The following FRMD5 variants were observed in gnomAD, a reference collection of about 807,000 sequenced individuals.
FRMD5 encodes FERM domain containing 5, also known as FERM domain-containing protein 5.
In FRMD5, 20 loss-of-function variants were observed where a neutral mutation model predicts 69.0. That is an observed-to-expected ratio of 0.29 (90% confidence interval 0.20 to 0.42). FRMD5 has a LOEUF of 0.42. Ranked by LOEUF, FRMD5 falls within the 10% of genes least tolerant of loss-of-function variation. The pLI is 1.00. For synonymous variants in FRMD5, 271 were observed against 260.1 expected (o/e 1.04, Z -0.40); for missense variants, 595 against 708.6 (o/e 0.84, Z 1.82).
At chr15:44,155,978 A>T (rs2077521887) in intron 1 of FRMD5, among the ~76,000 whole-genome samples, 1 of 152,142 alleles carries the variant, frequency 6.6e-6, no homozygotes, top group Non-Finnish European at 1.5e-5. Flanking sequence ...CTCCAGAGGA[A>T]AGCAGGAAAA....
intron 1 of FRMD5, among the ~76,000 whole-genome samples, chr15:44,051,100 T>C (rs1892641834): frequency 6.6e-6 from 1 of 151,270 alleles, no homozygotes; most frequent in Non-Finnish European, 1.5e-5. Flanking sequence ...TTAAACTCTT[T>C]TCATCTTTCA....
At chr15:44,062,762 G>T (rs748232558) in intron 1 of FRMD5, among the ~76,000 whole-genome samples, 32 of 151,942 alleles carry the variant, frequency 2.1e-4, no homozygotes, top group Non-Finnish European at 3.5e-4. Context: ...TTTATATAAG[G>T]GATTTTGGTA....
At chr15:44,173,057 C>T (rs1343382117) in intron 1 of FRMD5, among the ~76,000 whole-genome samples, 1 of 152,148 alleles carries the variant, frequency 6.6e-6, no homozygotes, top group Non-Finnish European at 1.5e-5. Flanking sequence ...CATGACCCCA[C>T]CGTTCATGTC....
At chr15:44,162,464 C>T (rs1329513780) in intron 1 of FRMD5, among the ~76,000 whole-genome samples, 1 of 152,094 alleles carries the variant, frequency 6.6e-6, no homozygotes, top group Non-Finnish European at 1.5e-5. Context: ...CATTTCCTCC[C>T]TTTGCTAGCT....
chr15:43,874,903 TAAAAAAAAGA>T (rs976284718), intron 13 of FRMD5, among the ~76,000 whole-genome samples: 1 of 149,336 alleles, frequency 6.7e-6, no homozygotes, highest in Admixed American at 6.7e-5. Flanking sequence ...GATTCCATCT[TAAAAAAAAGA>T]AAAAGGCTGG....
chr15:44,041,370 A>T (rs1263405270), intron 1 of FRMD5, among the ~76,000 whole-genome samples: 1 of 152,116 alleles, frequency 6.6e-6, no homozygotes, highest in Admixed American at 6.6e-5. Flanking sequence ...TCTCTACCCC[A>T]AATCAACAGA....
At chr15:44,183,361 A>G (rs1278587214) in intron 1 of FRMD5, among the ~76,000 whole-genome samples, 1 of 152,178 alleles carries the variant, frequency 6.6e-6, no homozygotes, top group African/African-American at 2.4e-5. Context: ...AAAATATTAG[A>G]GGTGCACTTG....
chr15:44,112,902 CT>C (rs1421974443), intron 1 of FRMD5, among the ~76,000 whole-genome samples: 1 of 152,178 alleles, frequency 6.6e-6, no homozygotes, highest in Non-Finnish European at 1.5e-5. Flanking sequence ...GCCACCTTCA[CT>C]GATTTTTTCC....
chr15:44,125,964 T>C (rs1397292175), intron 1 of FRMD5, among the ~76,000 whole-genome samples: 1 of 152,214 alleles, frequency 6.6e-6, no homozygotes, highest in Non-Finnish European at 1.5e-5. Flanking sequence ...AAAATGTAAG[T>C]AGTCTTATCG....
chr15:44,130,370 A>T (rs1160595530), intron 1 of FRMD5, among the ~76,000 whole-genome samples: 3 of 152,150 alleles, frequency 2.0e-5, no homozygotes. Flanking sequence ...ATTCCTTTCC[A>T]ACTCTTTTTC....
intron 1 of FRMD5, among the ~76,000 whole-genome samples, chr15:44,190,495 C>T (rs1020990269): frequency 2.1e-5 from 3 of 144,146 alleles, no homozygotes; most frequent in Non-Finnish European, 3.0e-5. Context: ...GAGATGGAGG[C>T]AGGGGGACCT....
chr15:44,099,899 T>G (rs1289496885), intron 1 of FRMD5, among the ~76,000 whole-genome samples: 1 of 152,162 alleles, frequency 6.6e-6, no homozygotes. Context: ...CGAACTATTC[T>G]GATTAAGCAA....
intron 1 of FRMD5, among the ~76,000 whole-genome samples, chr15:44,085,387 A>C (rs1894156193): frequency 6.6e-6 from 1 of 152,152 alleles, no homozygotes; most frequent in Admixed American, 6.6e-5. Context: ...ACTCAAAGAA[A>C]CTTCAGAATA....
At chr15:44,133,450 C>T (rs1397130199) in intron 1 of FRMD5, among the ~76,000 whole-genome samples, 3 of 150,304 alleles carry the variant, frequency 2.0e-5, no homozygotes, top group African/African-American at 7.3e-5. Context: ...GTGGCAGGTG[C>T]TTGTAGTCCC....
At chr15:44,057,206 C>G (rs1255660428) in intron 1 of FRMD5, among the ~76,000 whole-genome samples, 1 of 151,716 alleles carries the variant, frequency 6.6e-6, no homozygotes, top group Non-Finnish European at 1.5e-5. Context: ...CTCACTGCCA[C>G]CTCTGGCTCC....
chr15:43,989,598 G>A lies in FRMD5; in HGVS notation c.103-65289C>T. On this transcript the variant is annotated intron_variant, in intron 1 of 13. Transcript: ENST00000417257. ...GCTGTGGCGGTGAAGATGTAGCTGT[G>A]CTAGGTGAGGACCTTCATGAGGTAG... 7.0e-6 allele frequency: 6 copies of A among 851,138 alleles called. No individual in the cohort carries two copies. The South Asian group carries it at 7.9e-5, about 11-fold the overall frequency. The allele number at this position is 851,138 out of a possible 1,614,324, so 52.7% of individuals were successfully genotyped here.
At chr15:44,195,925 G>GA (rs1283524414), upstream of FRMD5, among the ~76,000 whole-genome samples, 1 of 152,246 alleles carries the variant, frequency 6.6e-6, no homozygotes, top group African/African-American at 2.4e-5. Context: ...GACAAAAGGA[G>GA]ACTGCTCCTT....
At chr15:44,184,962 T>A (rs1348494403) in intron 1 of FRMD5, among the ~76,000 whole-genome samples, 1 of 152,206 alleles carries the variant, frequency 6.6e-6, no homozygotes, top group African/African-American at 2.4e-5. Context: ...TACCCAATAT[T>A]ACAAATTAGA....
intron 1 of FRMD5, among the ~76,000 whole-genome samples, chr15:44,009,240 A>C (rs1190020476): frequency 6.6e-6 from 1 of 152,234 alleles, no homozygotes; most frequent in Non-Finnish European, 1.5e-5. Context: ...GTTGGGTCAC[A>C]GTAGCTCATA....
Sources: gnomAD v4.1 joint callset for allele counts (sites outside exome capture counted in the v4.1 genomes callset) on GRCh38, gnomAD v4.1.1 for gene constraint, MANE v1.5 for transcripts, NCBI Gene and HGNC (gene_info 2026-07-23, HGNC 2026-07-21) for gene names.